The following GBE1 variants were observed in gnomAD, a reference collection of about 807,000 sequenced individuals.
The protein encoded by GBE1 is 1,4-alpha-glucan branching enzyme 1.
A neutral mutation model predicts 88.8 loss-of-function variants in GBE1; 70 were observed. The observed-to-expected ratio is 0.79, with a 90% CI of 0.65 to 0.96. The LOEUF (loss-of-function observed/expected upper bound fraction) is 0.96, where lower values mean the gene tolerates loss of function less well. Ranked by LOEUF, GBE1 falls within the 40% of genes least tolerant of loss-of-function variation. GBE1 has a pLI of 0.00. For synonymous variants in GBE1, 284 were observed against 300.1 expected (o/e 0.95, Z 0.56); for missense variants, 872 against 871.0 (o/e 1.00, Z -0.01).
At chr3:81,519,143 A>T (rs17410360) in intron 14 of GBE1, among the ~76,000 whole-genome samples, 5,077 of 151,704 alleles carry the variant, frequency 0.033, 110 homozygotes, top group Non-Finnish European at 0.054. Flanking sequence ...TCATAGCAAC[A>T]TCTCTGCCTT....
intron 2 of GBE1, among the ~76,000 whole-genome samples, chr3:81,677,323 A>G (rs1705275241): frequency 6.6e-6 from 1 of 152,174 alleles, no homozygotes; most frequent in African/African-American, 2.4e-5. Flanking sequence ...TACAAAGGCT[A>G]ATATAAAGTC....
intron 1 of GBE1, among the ~76,000 whole-genome samples, chr3:81,751,381 C>T (rs1706526525): frequency 6.6e-6 from 1 of 152,228 alleles, no homozygotes; most frequent in Admixed American, 6.5e-5. Flanking sequence ...CAAAAGGATA[C>T]ATTTCAGGAA....
At chr3:81,735,137 C>T (rs916236664) in intron 1 of GBE1, among the ~76,000 whole-genome samples, 1 of 152,120 alleles carries the variant, frequency 6.6e-6, no homozygotes, top group Admixed American at 6.5e-5. Flanking sequence ...ACATATCCCC[C>T]ATGGACATGG....
intron 3 of GBE1, among the ~76,000 whole-genome samples, chr3:81,661,113 A>T (rs1705023447): frequency 6.6e-6 from 1 of 152,136 alleles, no homozygotes; most frequent in Non-Finnish European, 1.5e-5. Context: ...AGCATGAAAC[A>T]TTTTTATTTT....
intron 10 of GBE1, among the ~76,000 whole-genome samples, chr3:81,582,061 T>A (rs879635999): frequency 5.9e-5 from 9 of 152,120 alleles, no homozygotes; most frequent in Non-Finnish European, 1.2e-4. Context: ...CTATAAATTC[T>A]CTTCCTCTGT....
chr3:81,728,883 T>C (rs1267633401), intron 1 of GBE1, among the ~76,000 whole-genome samples: 1 of 151,830 alleles, frequency 6.6e-6, no homozygotes. Flanking sequence ...GTATCGTCCA[T>C]CTGCCCCTCC....
intron 7 of GBE1, among the ~76,000 whole-genome samples, chr3:81,635,097 A>G (rs1258934492): frequency 6.6e-6 from 1 of 152,156 alleles, no homozygotes; most frequent in Non-Finnish European, 1.5e-5. Context: ...CTATGAGAAA[A>G]TGTAACTGTA....
intron 1 of GBE1, among the ~76,000 whole-genome samples, chr3:81,757,314 G>C (rs888406119): frequency 2.6e-5 from 4 of 152,166 alleles, no homozygotes; most frequent in Admixed American, 1.3e-4. Context: ...ATGGGAAGGA[G>C]GCTGTACAGA....
intron 6 of GBE1, among the ~76,000 whole-genome samples, chr3:81,644,889 C>A (rs1027144421): frequency 1.5e-4 from 23 of 152,036 alleles, no homozygotes; most frequent in African/African-American, 5.6e-4. Context: ...TTTTTAATAG[C>A]TAGCGTGTAG....
intron 7 of GBE1, among the ~76,000 whole-genome samples, chr3:81,639,837 T>C (rs1704645617): frequency 6.6e-6 from 1 of 152,080 alleles, no homozygotes; most frequent in South Asian, 2.1e-4. Context: ...CAACCGTAGG[T>C]CACATGAGTG....
intron 6 of GBE1, among the ~76,000 whole-genome samples, chr3:81,643,882 C>G (rs1704727458): frequency 6.6e-6 from 1 of 152,128 alleles, no homozygotes; most frequent in Non-Finnish European, 1.5e-5. Context: ...TCCCATTCAT[C>G]CCAGGGTGAA....
intron 1 of GBE1, among the ~76,000 whole-genome samples, chr3:81,748,132 C>T (rs963762036): frequency 2.6e-5 from 4 of 151,702 alleles, no homozygotes; most frequent in Non-Finnish European, 4.4e-5. Flanking sequence ...AAACAAAAAC[C>T]GGCAAGTGAA....
chr3:81,629,963 A>G (rs1238962649), intron 7 of GBE1, among the ~76,000 whole-genome samples: 1 of 148,958 alleles, frequency 6.7e-6, no homozygotes, highest in Non-Finnish European at 1.5e-5. Context: ...GAGAACATGC[A>G]GTGTTTGGTT....
At chr3:81,592,076 T>C (rs377226908) in intron 8 of GBE1, among the ~76,000 whole-genome samples, 1 of 152,102 alleles carries the variant, frequency 6.6e-6, no homozygotes, top group South Asian at 2.1e-4. Flanking sequence ...TTGGCATACA[T>C]TGTGTACTGA....
rs185946028 is a variant in GBE1, at chr3:81,584,916, G to T, written c.1335+1176C>A. Among the ~76,000 whole-genome samples, 24 of 152,128 alleles carry T rather than the reference G, an allele frequency of 1.6e-4. No individual in the cohort carries two copies. The East Asian group carries it at 4.4e-3, about 28-fold the overall frequency. On this transcript the variant is annotated intron_variant, in intron 10 of 15. Coordinates refer to ENST00000429644, the MANE Select transcript of GBE1 (RefSeq NM_000158.4). ...CTTTTAGCAGGAGGTTAAAAAGTAA[G>T]ATTTGTCACTTGTGAGGGAAAAAAG...
At chr3:81,498,756 T>C (rs760165593) in intron 15 of GBE1, among the ~76,000 whole-genome samples, 68 of 152,168 alleles carry the variant, frequency 4.5e-4, no homozygotes, top group Non-Finnish European at 9.6e-4. Flanking sequence ...TAAAATGTTA[T>C]GGAGAAAACA....
rs1324335648 is a variant in GBE1 at position 81,682,950 on chromosome 3, T to G, written c.314-11997A>C. 2.0e-5 allele frequency among the ~76,000 whole-genome samples: 3 copies of G among 152,320 alleles called. No individual in the cohort carries two copies. The East Asian group carries it at 5.8e-4, about 29-fold the overall frequency. On this transcript the variant is annotated intron_variant, in intron 2 of 15. Transcript: ENST00000429644. Reference sequence around the variant, plus strand: ...TGAAGTACTAATACACACTACAACATGGAACCTTGTACACATGCTAAGTGA... The same window carrying G: ...TGAAGTACTAATACACACTACAACAGGGAACCTTGTACACATGCTAAGTGA...
chr3:81,645,388 C>T (rs560434339), intron 6 of GBE1, among the ~76,000 whole-genome samples: 17 of 152,250 alleles, frequency 1.1e-4, no homozygotes, highest in African/African-American at 3.6e-4. Context: ...AAGAAGGTGA[C>T]AGTAACCAGC....
chr3:81,630,950 C>A (rs748039060), intron 7 of GBE1, among the ~76,000 whole-genome samples: 8 of 152,144 alleles, frequency 5.3e-5, no homozygotes, highest in Admixed American at 6.6e-5. Flanking sequence ...TGCCTATAAT[C>A]CTAGCACTTT....
Sources: gnomAD v4.1 joint callset for allele counts (sites outside exome capture counted in the v4.1 genomes callset) on GRCh38, gnomAD v4.1.1 for gene constraint, MANE v1.5 for transcripts, NCBI Gene and HGNC (gene_info 2026-07-23, HGNC 2026-07-21) for gene names.